Variants in CCDC38 observed in about 807,000 individuals in gnomAD.
CCDC38 encodes the protein coiled-coil domain containing 38.
In CCDC38, 69 loss-of-function variants were observed where a neutral mutation model predicts 72.8. That is an observed-to-expected ratio of 0.95 (90% confidence interval 0.78 to 1.16). CCDC38 has a LOEUF of 1.16. Ranked by LOEUF, CCDC38 falls within the 50% of genes most tolerant of loss-of-function variation. CCDC38 has a pLI of 0.00. For synonymous variants in CCDC38, 201 were observed against 213.2 expected, an observed-to-expected ratio of 0.94 and a Z score of 0.50; for missense variants, 626 against 638.9, an observed-to-expected ratio of 0.98 and a Z score of 0.22.
At chr12:95,902,864 G>T (rs1592778931) in intron 5 of CCDC38, among the ~76,000 whole-genome samples, 1 of 152,024 alleles carries the variant, frequency 6.6e-6, no homozygotes, top group Admixed American at 6.6e-5. Flanking sequence ...TTGAAACTAG[G>T]TCCTTTGCAT....
chr12:95,902,646 T>C (rs937038540), intron 5 of CCDC38, among the ~76,000 whole-genome samples: 11 of 152,204 alleles, frequency 7.2e-5, no homozygotes, highest in African/African-American at 2.7e-4. Flanking sequence ...GCTTGTTTCC[T>C]ACATTGGGCT....
intron 15 of CCDC38, among the ~76,000 whole-genome samples, chr12:95,867,978 A>G (rs1184601088): frequency 6.6e-6 from 1 of 152,212 alleles, no homozygotes; most frequent in African/African-American, 2.4e-5. Flanking sequence ...CCTGAATAAC[A>G]ATAGCACTTT....
At chr12:95,923,759 T>C in intron 2 of CCDC38, among the ~76,000 whole-genome samples, 1 of 151,638 alleles carries the variant, frequency 6.6e-6, no homozygotes, top group East Asian at 1.9e-4. Context: ...GTTCTCATTG[T>C]TCAATTCCCA....
intron 1 of CCDC38, among the ~76,000 whole-genome samples, chr12:95,940,629 C>A (rs1033436555): frequency 2.6e-5 from 4 of 152,134 alleles, no homozygotes; most frequent in Middle Eastern, 3.4e-3. Context: ...GGAAAAGGGG[C>A]TGTGAACTGT....
chr12:95,929,548 C>T (rs2080314115), intron 2 of CCDC38, among the ~76,000 whole-genome samples: 1 of 152,142 alleles, frequency 6.6e-6, no homozygotes, highest in African/African-American at 2.4e-5. Flanking sequence ...TCCTATTCGG[C>T]CATCTTGGCT....
chr12:95,881,514 G>T lies in CCDC38; in HGVS notation c.961C>A (p.Leu321Ile). The T allele has an allele frequency of 6.2e-7, 1 of 1,609,802 alleles. No individual in the cohort carries two copies. The highest frequency in any genetic ancestry group is 8.5e-7 in the Non-Finnish European group (1 of 1,177,990). Residue 321 changes from leucine (L) to isoleucine (I), a missense_variant, in exon 11 of 16, where the codon CTT becomes ATT. Coordinates refer to ENST00000344280, the MANE Select transcript of CCDC38 (RefSeq NM_182496.3). ...TCAACGTCCATTTCATCATCTAAAA[G>T]GAATTCCAAACTGTCTTCTGAACCG... ...SFGSEDSLEF[L>I]LDDEMDVDLE...
intron 2 of CCDC38, among the ~76,000 whole-genome samples, chr12:95,920,228 T>A (rs1565963057): frequency 6.6e-6 from 1 of 152,160 alleles, no homozygotes; most frequent in African/African-American, 2.4e-5. Flanking sequence ...GTTCTCGTGA[T>A]AGTGAATAAG....
intron 5 of CCDC38, among the ~76,000 whole-genome samples, chr12:95,902,373 C>T (rs913265633): frequency 1.3e-5 from 2 of 152,160 alleles, no homozygotes; most frequent in Middle Eastern, 3.2e-3. Context: ...ATCCCTTCTT[C>T]CCTCCTCCCC....
intron 2 of CCDC38, among the ~76,000 whole-genome samples, chr12:95,931,535 G>T (rs1049921747): frequency 2.0e-5 from 3 of 152,074 alleles, no homozygotes; most frequent in African/African-American, 7.2e-5. Flanking sequence ...CACTCTATTT[G>T]TCTTGTCCTA....
intron 2 of CCDC38, among the ~76,000 whole-genome samples, chr12:95,932,874 G>A (rs752243004): frequency 7.2e-5 from 11 of 152,278 alleles, no homozygotes; most frequent in Non-Finnish European, 1.0e-4. Flanking sequence ...TATCATTATG[G>A]AGCTACAGTA....
chr12:95,912,348 T>C (rs1291740493), intron 4 of CCDC38, among the ~76,000 whole-genome samples: 4 of 152,100 alleles, frequency 2.6e-5, no homozygotes, highest in Non-Finnish European at 5.9e-5. Context: ...AACCTGCACA[T>C]GTATCCCCTG....
chr12:95,888,297 G>C (rs1189669471), intron 10 of CCDC38, among the ~76,000 whole-genome samples, 161 bp downstream of exon 10: 1 of 152,164 alleles, frequency 6.6e-6, no homozygotes, highest in Non-Finnish European at 1.5e-5. Context: ...TTGGAGAGAG[G>C]CCTGTGAGAT....
At chr12:95,927,451 T>C (rs1432117764) in intron 2 of CCDC38, among the ~76,000 whole-genome samples, 1 of 150,430 alleles carries the variant, frequency 6.6e-6, no homozygotes, top group Non-Finnish European at 1.5e-5. Context: ...TGAGATGGGT[T>C]TCCTGAATAC....
chr12:95,938,550 G>A (rs932922520), intron 1 of CCDC38, among the ~76,000 whole-genome samples: 1 of 152,170 alleles, frequency 6.6e-6, no homozygotes, highest in African/African-American at 2.4e-5. Flanking sequence ...CAATTGCTAA[G>A]AGCAGATATC....
chr12:95,872,939 T>C (rs947261707), intron 13 of CCDC38, among the ~76,000 whole-genome samples: 4 of 152,236 alleles, frequency 2.6e-5, no homozygotes, highest in Non-Finnish European at 5.9e-5. Context: ...TTATAATTTA[T>C]AGTCAGAGCA....
In CCDC38 at chr12:95,941,865, C is replaced by A. The variant is rs553907406; in HGVS notation, c.-15+566G>T. ...TAATCTTCTGATGCCCCCTCCCCCCCACCCTTAGGGTCTCTTTCACTCACA... is the reference window on the plus strand; with the variant it reads ...TAATCTTCTGATGCCCCCTCCCCCCAACCCTTAGGGTCTCTTTCACTCACA... On this transcript the variant is annotated intron_variant, in intron 1 of 15. Coordinates refer to ENST00000344280, the MANE Select transcript of CCDC38 (RefSeq NM_182496.3). Among the ~76,000 whole-genome samples, 25 of 151,576 alleles carry A rather than the reference C, an allele frequency of 1.6e-4. No individual in the cohort carries two copies. The South Asian group carries it at 5.0e-3, about 31-fold the overall frequency.
intron 3 of CCDC38, among the ~76,000 whole-genome samples, chr12:95,918,501 G>A (rs991763327): frequency 3.3e-5 from 5 of 152,158 alleles, no homozygotes; most frequent in African/African-American, 1.2e-4. Context: ...CTTATTGTAA[G>A]ATGTGCTATT....
chr12:95,892,689 C>G (rs760945597), intron 8 of CCDC38, among the ~76,000 whole-genome samples: 4 of 151,472 alleles, frequency 2.6e-5, no homozygotes, highest in Non-Finnish European at 5.9e-5. Flanking sequence ...CCTGCCTCAG[C>G]CTTCTGAGTA....
chr12:95,879,763 C>A lies in CCDC38; in HGVS notation c.1023G>T (p.Glu341Asp). The change falls in exon 12 of 16, where the codon GAG (glutamate) becomes GAT (aspartate). Residue 341 changes from glutamate (E) to aspartate (D), a missense_variant. Transcript: ENST00000344280. The surrounding 1 kb of genome is among the most constrained non-coding windows in gnomAD (Gnocchi z 5.5). ...EPALYFKEPE[E>D]LLQVLRELEE... is the part of the protein sequence containing the mutation. ...CCAGCTCTCTGAGGACTTGAAGTAA[C>A]TCCTCTGGTTCCTTGAAATAAAGTG... 6.2e-7 allele frequency: 1 copy of A among 1,611,738 alleles called. No homozygotes were observed.
Sources: gnomAD v4.1 joint callset for allele counts (sites outside exome capture counted in the v4.1 genomes callset) on GRCh38, gnomAD v4.1.1 for gene constraint, Gnocchi (gnomAD v3.1) non-coding constraint, MANE v1.5 for transcripts, NCBI Gene and HGNC (gene_info 2026-07-23, HGNC 2026-07-21) for gene names.